Variants in ZNF385D observed in about 807,000 individuals in gnomAD.
The protein encoded by ZNF385D is zinc finger protein 385D.
In ZNF385D, 15 loss-of-function variants were observed where a neutral mutation model predicts 35.8. The observed-to-expected ratio is 0.42, with a 90% CI of 0.28 to 0.64. ZNF385D has a LOEUF of 0.64. ZNF385D is among the 30% of genes least tolerant of loss of function. ZNF385D has a pLI of 0.23. For missense variants in ZNF385D, 474 were observed against 494.6 expected (o/e 0.96, Z 0.39); for synonymous variants, 212 against 186.8 (o/e 1.13, Z -1.10).
chr3:21,937,633 C>A (rs1701324075), intron 3 of ZNF385D, among the ~76,000 whole-genome samples: 1 of 151,774 alleles, frequency 6.6e-6, no homozygotes, highest in Non-Finnish European at 1.5e-5. Context: ...ATTTTAAAAA[C>A]CTGTACATTA....
chr3:22,202,767 G>A (rs1459118768), intron 2 of ZNF385D, among the ~76,000 whole-genome samples: 1 of 152,116 alleles, frequency 6.6e-6, no homozygotes, highest in Non-Finnish European at 1.5e-5. Flanking sequence ...CACATTGAAT[G>A]TGGGACTTTG....
chr3:21,755,396 G>A (rs747161150), upstream of ZNF385D, among the ~76,000 whole-genome samples: 7 of 152,022 alleles, frequency 4.6e-5, no homozygotes, highest in South Asian at 2.1e-4. Flanking sequence ...GTCCCTATTC[G>A]CTTCTCCATT....
At chr3:22,122,655 T>G (rs1404699049) in intron 3 of ZNF385D, among the ~76,000 whole-genome samples, 2 of 152,186 alleles carry the variant, frequency 1.3e-5, no homozygotes, top group East Asian at 3.9e-4. Context: ...TAATAAGTTC[T>G]ATGGAAGAAA....
intron 2 of ZNF385D, among the ~76,000 whole-genome samples, chr3:22,176,488 T>C (rs563597720): frequency 1.3e-5 from 2 of 152,318 alleles, no homozygotes; most frequent in Admixed American, 1.3e-4. Context: ...GGTTAATGGA[T>C]TGCATTTCAA....
At chr3:22,024,931 G>A (rs750003806) in intron 3 of ZNF385D, among the ~76,000 whole-genome samples, 9 of 152,132 alleles carry the variant, frequency 5.9e-5, no homozygotes, top group Non-Finnish European at 1.0e-4. Context: ...TGTAGAGAAA[G>A]AGCTGAAATT....
intron 3 of ZNF385D, among the ~76,000 whole-genome samples, chr3:22,127,181 T>G (rs1703482145): frequency 6.6e-6 from 1 of 152,062 alleles, no homozygotes; most frequent in Admixed American, 6.6e-5. Flanking sequence ...ATGTTATTAT[T>G]GATAACTAAG....
intron 2 of ZNF385D, among the ~76,000 whole-genome samples, chr3:22,334,061 G>A (rs993344005): frequency 3.3e-5 from 5 of 152,072 alleles, no homozygotes; most frequent in Admixed American, 6.5e-5. Context: ...ACATCCTTTC[G>A]CTTTTAAATT....
intron 2 of ZNF385D, among the ~76,000 whole-genome samples, chr3:21,626,262 CA>C (rs1244598359): frequency 6.6e-6 from 1 of 152,052 alleles, no homozygotes; most frequent in African/African-American, 2.4e-5. Flanking sequence ...TGGGTGAAAA[CA>C]TGACAGAATG....
chr3:21,981,112 T>C (rs1218715378), intron 3 of ZNF385D, among the ~76,000 whole-genome samples: 2 of 152,168 alleles, frequency 1.3e-5, no homozygotes, highest in African/African-American at 2.4e-5. Flanking sequence ...TGAATGATAG[T>C]TGTACTTTTA....
At chr3:22,148,331 T>TGTCATACCACCATCTGTAAACA (rs1366026406) in intron 3 of ZNF385D, among the ~76,000 whole-genome samples, 6 of 152,226 alleles carry the variant, frequency 3.9e-5, no homozygotes, top group Admixed American at 1.3e-4. Context: ...ATTTCTTCTC[T>TGTCATACCACCATCTGTAAACA]GTCATACCAC....
intron 3 of ZNF385D, chr3:21,511,685 A>G: frequency 2.2e-6 from 1 of 456,560 alleles, no homozygotes; most frequent in South Asian, 1.5e-5. Context: ...TTCATGCCCC[A>G]GTCCATTGTT....
At chr3:21,790,037 G>T (rs2071863005) in intron 3 of ZNF385D, among the ~76,000 whole-genome samples, 1 of 152,148 alleles carries the variant, frequency 6.6e-6, no homozygotes, top group Non-Finnish European at 1.5e-5. Context: ...ACTATTAAAT[G>T]AAAGGGCCAA....
chr3:21,613,694 T>A (rs2064756364), intron 2 of ZNF385D, among the ~76,000 whole-genome samples: 1 of 152,212 alleles, frequency 6.6e-6, no homozygotes, highest in African/African-American at 2.4e-5. Context: ...GTGTTATTAG[T>A]CTAGGACAGA....
chr3:21,424,993 G>A (rs1025053387), intron 6 of ZNF385D, among the ~76,000 whole-genome samples: 1 of 152,164 alleles, frequency 6.6e-6, no homozygotes, highest in Non-Finnish European at 1.5e-5. Context: ...AACTTGATTA[G>A]TCATTCCTAT....
At chr3:22,094,801 T>A (rs67530221) in intron 3 of ZNF385D, among the ~76,000 whole-genome samples, 2 of 152,098 alleles carry the variant, frequency 1.3e-5, no homozygotes, top group Admixed American at 1.3e-4. Flanking sequence ...CAGCTGTAGG[T>A]TGTCAGTTAA....
At chr3:21,942,409 G>C (rs970464656) in intron 3 of ZNF385D, among the ~76,000 whole-genome samples, 2 of 152,152 alleles carry the variant, frequency 1.3e-5, no homozygotes, top group African/African-American at 4.8e-5. Context: ...AATACAAACA[G>C]AATGTAAGGA....
intron 3 of ZNF385D, among the ~76,000 whole-genome samples, chr3:21,782,960 C>T (rs368883334): frequency 2.6e-5 from 4 of 152,196 alleles, no homozygotes; most frequent in East Asian, 3.9e-4. Flanking sequence ...CATTCCAACT[C>T]GAAGAAGCTA....
chr3:22,089,104 AGT>A, intron 3 of ZNF385D, among the ~76,000 whole-genome samples: 1 of 152,280 alleles, frequency 6.6e-6, no homozygotes, highest in African/African-American at 2.4e-5. Flanking sequence ...CACACATCTA[AGT>A]GTGGCATGAG....
At chr3:21,612,599 T>C (rs1246293036) in intron 2 of ZNF385D, among the ~76,000 whole-genome samples, 2 of 151,768 alleles carry the variant, frequency 1.3e-5, no homozygotes, top group African/African-American at 4.9e-5. Flanking sequence ...TTAGCTCTTA[T>C]AACATATCAG....
Sources: allele counts gnomAD v4.1 joint callset (sites outside exome capture counted in the v4.1 genomes callset), GRCh38; gene constraint gnomAD v4.1.1; transcripts MANE v1.5; gene names NCBI Gene and HGNC (gene_info 2026-07-23, HGNC 2026-07-21).